The following SNAP91 variants were observed in gnomAD, a reference collection of about 807,000 sequenced individuals.
SNAP91 encodes the protein clathrin coat assembly protein AP180.
SNAP91 carries 27 observed loss-of-function variants against 100.3 expected under a neutral mutation model. That is an observed-to-expected ratio of 0.27 (90% CI 0.20 to 0.37). SNAP91 has a LOEUF of 0.37. SNAP91 is among the 10% of genes least tolerant of loss of function. SNAP91 has a pLI of 1.00. For synonymous variants in SNAP91, 404 were observed against 398.6 expected, an observed-to-expected ratio of 1.01 and a Z score of -0.16; for missense variants, 986 against 1,123.7, an observed-to-expected ratio of 0.88 and a Z score of 1.75.
intron 16 of SNAP91, among the ~76,000 whole-genome samples, chr6:83,595,579 A>T (rs2094373624): frequency 6.6e-6 from 1 of 152,176 alleles, no homozygotes. Flanking sequence ...TGACAGGCTT[A>T]GGAGAAGAAA....
chr6:83,642,651 C>T (rs937201213), intron 7 of SNAP91, among the ~76,000 whole-genome samples: 22 of 152,184 alleles, frequency 1.4e-4, no homozygotes, highest in African/African-American at 4.6e-4. Context: ...CATAAACATA[C>T]GTGTGCATGT....
intron 8 of SNAP91, among the ~76,000 whole-genome samples, chr6:83,626,900 T>C (rs1328876400): frequency 6.6e-6 from 1 of 152,010 alleles, no homozygotes; most frequent in Non-Finnish European, 1.5e-5. Flanking sequence ...TGCTGAATAG[T>C]AGTGGTGAAA....
At chr6:83,693,766 T>C (rs774507585) in intron 2 of SNAP91, among the ~76,000 whole-genome samples, 4 of 152,248 alleles carry the variant, frequency 2.6e-5, no homozygotes, top group Non-Finnish European at 5.9e-5. Flanking sequence ...AATTACTAGC[T>C]TATAAAGATA....
At chr6:83,682,582 T>A (rs998352595) in intron 2 of SNAP91, among the ~76,000 whole-genome samples, 1 of 151,714 alleles carries the variant, frequency 6.6e-6, no homozygotes, top group Non-Finnish European at 1.5e-5. Context: ...TTTAAATTTT[T>A]TTATTTTATT....
intron 20 of SNAP91, 110 bp downstream of exon 20, chr6:83,592,836 T>A (rs1182018887): frequency 1.2e-6 from 1 of 840,884 alleles, no homozygotes; most frequent in Non-Finnish European, 1.9e-6. Flanking sequence ...TCTTTTGAAG[T>A]ACATTTTAAA....
At chr6:83,593,331 T>C (rs1283692628) in intron 18 of SNAP91, 72 bp from the exon 19 acceptor site, 3 of 1,524,708 alleles carry the variant, frequency 2.0e-6, no homozygotes, top group African/African-American at 2.8e-5. Context: ...TTCCCAGTCC[T>C]TAATTAGCAC....
intron 11 of SNAP91, among the ~76,000 whole-genome samples, chr6:83,612,069 C>T (rs569169329): frequency 6.6e-6 from 1 of 151,940 alleles, no homozygotes; most frequent in South Asian, 2.1e-4. Flanking sequence ...ACATGCCTGC[C>T]ATTTCCTGTT....
At chr6:83,598,123 A>AT (rs1644963225) in intron 16 of SNAP91, among the ~76,000 whole-genome samples, 1 of 152,208 alleles carries the variant, frequency 6.6e-6, no homozygotes, top group Non-Finnish European at 1.5e-5. Context: ...TGTTGTTCAA[A>AT]TCAATGTGCT....
chr6:83,597,916 T>A (rs2094662186), intron 16 of SNAP91, among the ~76,000 whole-genome samples: 1 of 152,250 alleles, frequency 6.6e-6, no homozygotes, highest in African/African-American at 2.4e-5. Flanking sequence ...CTTAGTTTTT[T>A]GACCAACATG....
At chr6:83,642,454 G>C (rs111758185) in intron 7 of SNAP91, among the ~76,000 whole-genome samples, 1 of 151,894 alleles carries the variant, frequency 6.6e-6, no homozygotes, top group African/African-American at 2.4e-5. Flanking sequence ...GTTTTCTGTC[G>C]TTGCAATAGT....
At chr6:83,655,862 G>C (rs918508940) in intron 7 of SNAP91, among the ~76,000 whole-genome samples, 4 of 152,086 alleles carry the variant, frequency 2.6e-5, no homozygotes, top group African/African-American at 9.7e-5. Context: ...ATGGACTCTG[G>C]GGGAGTTCCC....
chr6:83,642,872 G>A (rs527393186), intron 7 of SNAP91, among the ~76,000 whole-genome samples: 14 of 152,198 alleles, frequency 9.2e-5, no homozygotes, highest in East Asian at 1.9e-4. Context: ...ACTTTTTAAC[G>A]ATCGCCATTC....
At chr6:83,611,023 C>T (rs538646457) in intron 11 of SNAP91, among the ~76,000 whole-genome samples, 2 of 152,044 alleles carry the variant, frequency 1.3e-5, no homozygotes, top group South Asian at 4.2e-4. Flanking sequence ...AACAAACTGT[C>T]TAAATGGGAA....
At chr6:83,556,101 C>G (rs1288754330) in intron 29 of SNAP91, 42 bp downstream of exon 29, 6 of 1,092,748 alleles carry the variant, frequency 5.5e-6, no homozygotes, top group Non-Finnish European at 8.2e-6. Flanking sequence ...CATTGTATAG[C>G]TCATTATTAC....
intron 12 of SNAP91, 57 bp downstream of exon 12, chr6:83,610,593 A>T: frequency 1.7e-6 from 1 of 582,216 alleles, no homozygotes; most frequent in Non-Finnish European, 3.2e-6. Flanking sequence ...ACACTTTATG[A>T]TGGTAAAATG....
chr6:83,617,045 A>G lies in SNAP91; in HGVS notation c.808-6T>C, dbSNP rs1319694074. The G allele has an allele frequency of 1.3e-6, 2 of 1,527,838 alleles. No individual in the cohort carries two copies. Among genetic ancestry groups the G allele is most frequent in the Non-Finnish European group, 1.8e-6 (2 of 1,132,792 alleles). The allele number at this position is 1,527,838 out of a possible 1,614,324, so 94.6% of individuals were successfully genotyped here. A position where few individuals can be genotyped will look rare whatever the true frequency, so the allele number is the denominator to read the frequency against. On this transcript the variant is annotated splice_polypyrimidine_tract_variant and splice_region_variant and intron_variant, in intron 9 of 29. Coordinates refer to ENST00000369694, the MANE Select transcript of SNAP91 (RefSeq NM_001242792.2). Reference sequence around the variant, plus strand: ...TCCATAAGACTGCTGGGAGCCTACAATAAGAAAGTAAAAATAAATGTCTGC... The same window carrying G: ...TCCATAAGACTGCTGGGAGCCTACAGTAAGAAAGTAAAAATAAATGTCTGC...
intron 22 of SNAP91, among the ~76,000 whole-genome samples, chr6:83,585,815 TA>T (rs2092448678): frequency 6.6e-6 from 1 of 151,966 alleles, no homozygotes; most frequent in African/African-American, 2.4e-5. Flanking sequence ...TAACACATCA[TA>T]TTGTTTCAGT....
At chr6:83,672,537 A>C (rs9449680) in intron 2 of SNAP91, among the ~76,000 whole-genome samples, 4,217 of 152,188 alleles carry the variant, frequency 0.028, 203 homozygotes, top group African/African-American at 0.094. Flanking sequence ...GTTAGTCTAC[A>C]TAGGTCTCTC....
At chr6:83,573,151 C>T (rs1275416337) in intron 26 of SNAP91, among the ~76,000 whole-genome samples, 1 of 152,108 alleles carries the variant, frequency 6.6e-6, no homozygotes, top group African/African-American at 2.4e-5. Flanking sequence ...GAGAGCCACA[C>T]CAATAACAGA....
Sources: gnomAD v4.1 joint callset for allele counts (sites outside exome capture counted in the v4.1 genomes callset) on GRCh38, gnomAD v4.1.1 for gene constraint, MANE v1.5 for transcripts, NCBI Gene and HGNC (gene_info 2026-07-23, HGNC 2026-07-21) for gene names.